CACNA2D3: variants seen among roughly 807,000 people sequenced by gnomAD.
CACNA2D3 encodes the protein voltage-dependent calcium channel subunit alpha-2/delta-3.
Under a neutral mutation model 160.6 loss-of-function variants are expected in CACNA2D3, and 60 were observed. The observed-to-expected ratio is 0.37, with a 90% CI of 0.30 to 0.46. The LOEUF is 0.46. Among genes scored for constraint, CACNA2D3 ranks in the 20% least tolerant of loss-of-function variants. The pLI is 1.00. For missense variants in CACNA2D3, 1,205 were observed against 1,365.0 expected, an observed-to-expected ratio of 0.88 and a Z score of 1.85; for synonymous variants, 558 against 492.9, an observed-to-expected ratio of 1.13 and a Z score of -1.75.
rs186024357 is a variant in CACNA2D3 at position 54,725,655 on chromosome 3, C to G, written c.1168-26944C>G. ...ATCCATCACAAAATAAAACCAATCA[C>G]AAAAACCACATGATTATCTCAATAG... On this transcript the variant is annotated intron_variant, in intron 11 of 37. Transcript: ENST00000474759. Among the ~76,000 whole-genome samples the G allele has an allele frequency of 7.6e-4, 115 of 152,234 alleles. 1 individual carries two copies. In the East Asian group the frequency reaches 0.019, roughly 25 times the overall value.
chr3:54,284,795 A>G (rs1395824053), intron 2 of CACNA2D3, among the ~76,000 whole-genome samples: 2 of 152,214 alleles, frequency 1.3e-5, no homozygotes, highest in Non-Finnish European at 2.9e-5. Flanking sequence ...AGAATAAAAG[A>G]TGTTCTAAAA....
intron 35 of CACNA2D3, among the ~76,000 whole-genome samples, chr3:55,055,437 T>G (rs1704337491): frequency 6.6e-6 from 1 of 152,176 alleles, no homozygotes; most frequent in Admixed American, 6.5e-5. Context: ...TCATGCTGTT[T>G]TAATTACTAT....
At chr3:54,139,145 A>C (rs954318946) in intron 2 of CACNA2D3, among the ~76,000 whole-genome samples, 1 of 152,250 alleles carries the variant, frequency 6.6e-6, no homozygotes, top group African/African-American at 2.4e-5. Flanking sequence ...GCACAGTTCC[A>C]GAGGACAGCA....
chr3:54,420,472 G>A (rs1055875725), intron 4 of CACNA2D3, among the ~76,000 whole-genome samples: 2 of 152,178 alleles, frequency 1.3e-5, no homozygotes, highest in South Asian at 4.1e-4. Flanking sequence ...GACTTTCACA[G>A]GTCTCATATG....
chr3:54,184,103 A>G (rs998626246), intron 2 of CACNA2D3, among the ~76,000 whole-genome samples: 3 of 152,082 alleles, frequency 2.0e-5, no homozygotes, highest in Non-Finnish European at 4.4e-5. Flanking sequence ...GAGCACAAGC[A>G]CATGTTGTTT....
At chr3:54,916,389 A>T (rs1291055124) in intron 27 of CACNA2D3, among the ~76,000 whole-genome samples, 1 of 152,218 alleles carries the variant, frequency 6.6e-6, no homozygotes, top group Non-Finnish European at 1.5e-5. Context: ...AGCCATGTCC[A>T]CTGAGTGGCC....
In CACNA2D3 at chr3:54,569,849, G is replaced by A. The variant is rs555199325; in HGVS notation, c.731G>A (p.Arg244Gln). ...GTCATTGCCTTCGACTGCAGGAACC[G>A]AAAATGGTAGGCAGTGGTCAGACCT... Reference protein sequence around the residue: ...NGVIAFDCRNRKWYIQAATSP... With the variant: ...NGVIAFDCRNQKWYIQAATSP... The change falls in exon 7 of 38, where the codon CGA becomes CAA. Residue 244 changes from arginine to glutamine, a missense_variant. Physicochemically the swap from Arg to Gln is conservative, Grantham distance 43 (BLOSUM62 1). This residue lies in a region of CACNA2D3 where 131 missense variants were observed against 201.5 expected (regional missense o/e 0.65). Transcript: ENST00000474759. 9 of 1,609,170 alleles carry A rather than the reference G, an allele frequency of 5.6e-6. No individual in the cohort carries two copies. Among genetic ancestry groups the A allele is most frequent in the Non-Finnish European group, 6.8e-6 (8 of 1,177,552 alleles).
intron 27 of CACNA2D3, among the ~76,000 whole-genome samples, chr3:54,953,400 C>T (rs903591279): frequency 1.3e-5 from 2 of 152,168 alleles, no homozygotes; most frequent in African/African-American, 4.8e-5. Context: ...ACTACGGCTT[C>T]TTACCTATAG....
At chr3:55,036,452 A>ATTTTATT (rs779682974) in intron 35 of CACNA2D3, among the ~76,000 whole-genome samples, 119 of 151,790 alleles carry the variant, frequency 7.8e-4, no homozygotes, top group African/African-American at 2.6e-3. Flanking sequence ...ATTTTTATTT[A>ATTTTATT]TTTTATTTTT....
chr3:54,442,123 G>A (rs1054103814), intron 4 of CACNA2D3, among the ~76,000 whole-genome samples: 3 of 152,102 alleles, frequency 2.0e-5, no homozygotes, highest in Non-Finnish European at 2.9e-5. Flanking sequence ...CGCTTAAATT[G>A]TTGATATGGA....
chr3:54,319,192 ACACACACACC>A (rs998049079), intron 2 of CACNA2D3, among the ~76,000 whole-genome samples: 1 of 150,858 alleles, frequency 6.6e-6, no homozygotes, highest in African/African-American at 2.4e-5. Flanking sequence ...ACACACACAC[ACACACACACC>A]CTTCCTCGAG....
intron 13 of CACNA2D3, among the ~76,000 whole-genome samples, chr3:54,815,904 T>C (rs987387432): frequency 6.6e-6 from 1 of 152,224 alleles, no homozygotes; most frequent in African/African-American, 2.4e-5. Context: ...ATTTAATACA[T>C]GGATCATGTT....
At chr3:54,169,248 C>T (rs937794019) in intron 2 of CACNA2D3, among the ~76,000 whole-genome samples, 11 of 152,102 alleles carry the variant, frequency 7.2e-5, no homozygotes, top group Non-Finnish European at 8.8e-5. Flanking sequence ...CTTGAACCTG[C>T]AAAAAAAGTA....
In CACNA2D3 at chr3:55,018,327, C is replaced by G; in HGVS notation, c.2987+10C>G. 1 of 1,529,472 alleles carries G rather than the reference C, an allele frequency of 6.5e-7. No homozygotes were observed. Among genetic ancestry groups the G allele is most frequent in the Non-Finnish European group, 9.1e-7 (1 of 1,104,942 alleles). 94.7% of individuals were successfully genotyped at this position (1,529,472 alleles called of 1,614,324 possible). A position where few individuals can be genotyped will look rare whatever the true frequency, so the allele number is the denominator to read the frequency against. On this transcript the variant is annotated intron_variant, in intron 35 of 37. Transcript: ENST00000474759. ...GTGAAGACTGCTCCAAGTAAGCCAT[C>G]CCCCCACCCTCTAACCCCCTACACC...
At position 54,541,513 on chromosome 3, in the gene CACNA2D3, G is replaced by T. The variant is rs77030153; in HGVS notation, c.545-21287G>T. Among the ~76,000 whole-genome samples the T allele has an allele frequency of 9.2e-4, 140 of 152,142 alleles. 2 individuals carry two copies. Among genetic ancestry groups the T allele is most frequent in the Non-Finnish European group, 1.5e-3 (104 of 68,008 alleles). On this transcript the variant is annotated intron_variant, in intron 5 of 37. Transcript: ENST00000474759. ...AGCTCTGCAAATGACTTTACTCCAG[G>T]CTTCTGGCCTCCAGAACTAAGGAGT...
chr3:54,984,700 TA>T, intron 30 of CACNA2D3, 30 bp downstream of exon 30: 1 of 1,408,918 alleles, frequency 7.1e-7, no homozygotes, highest in Non-Finnish European at 9.8e-7. Flanking sequence ...CAGCTCCAAG[TA>T]AGGATCTCAG....
At chr3:54,932,534 T>C (rs1402395371) in intron 27 of CACNA2D3, among the ~76,000 whole-genome samples, 9 of 152,240 alleles carry the variant, frequency 5.9e-5, no homozygotes, top group Admixed American at 5.9e-4. Flanking sequence ...TTTCCTTTAC[T>C]GGAATATTTG....
intron 4 of CACNA2D3, among the ~76,000 whole-genome samples, chr3:54,450,091 C>T (rs17054035): frequency 0.18 from 27,415 of 152,230 alleles, 2,766 homozygotes; most frequent in African/African-American, 0.28. Flanking sequence ...TCATGGTTCA[C>T]AGTTTGCCAC....
chr3:54,123,831 C>G (rs898759006), intron 2 of CACNA2D3, among the ~76,000 whole-genome samples: 2 of 152,124 alleles, frequency 1.3e-5, no homozygotes, highest in African/African-American at 4.8e-5. Context: ...ACTGTCCTGG[C>G]TGGGGCTCGG....
Sources: allele counts gnomAD v4.1 joint callset (sites outside exome capture counted in the v4.1 genomes callset), GRCh38; gene constraint gnomAD v4.1.1; regional missense constraint gnomAD v4.1.1; transcripts MANE v1.5; gene names NCBI Gene and HGNC (gene_info 2026-07-23, HGNC 2026-07-21).